Variants in TTN observed in about 807,000 individuals in gnomAD.
TTN encodes the protein connectin.
A neutral mutation model predicts 3,223.0 loss-of-function variants in TTN; 1,525 were observed. The observed-to-expected ratio is 0.47, with a 90% CI of 0.45 to 0.49. The LOEUF is 0.49. Ranked by LOEUF, TTN falls within the 20% of genes least tolerant of loss-of-function variation. The probability of loss-of-function intolerance (pLI) is 0.00; values close to 1 mark genes in which losing one functional copy is unlikely to be tolerated. For synonymous variants in TTN, 14,094 were observed against 15,161.0 expected (o/e 0.93, Z 5.17); for missense variants, 40,786 against 43,424.0 (o/e 0.94, Z 5.40).
At position 178,799,583 on chromosome 2, in the gene TTN, G is replaced by A. The variant is rs765127441; in HGVS notation, c.818C>T (p.Ala273Val). ...SRSPTPPSIA[A>V]KAQLARQQSP... ...CTGCTGCCGAGCCAGCTGTGCTTTG[G>A]CAGCAATAGACGGTGGTGTTGGGGA... Residue 273 changes from alanine to valine, a missense_variant, in exon 6 of 363, where the codon GCC becomes GTC. By Grantham distance (64) the Ala-to-Val change is moderately conservative. Transcript: ENST00000589042. The A allele has an allele frequency of 1.2e-6, 2 of 1,614,196 alleles. No individual in the cohort carries two copies. Among genetic ancestry groups the A allele is most frequent in the African/African-American group, 1.3e-5 (1 of 75,052 alleles).
intron 47 of TTN, chr2:178,745,984 A>C (rs964996610): frequency 6.2e-7 from 1 of 1,611,376 alleles, no homozygotes; most frequent in African/African-American, 1.3e-5. Context: ...ATATTTCAGA[A>C]TCTCCCATGG....
intron 47 of TTN, among the ~76,000 whole-genome samples, chr2:178,743,912 A>C (rs1228267112): frequency 6.6e-6 from 1 of 151,966 alleles, no homozygotes; most frequent in Non-Finnish European, 1.5e-5. Flanking sequence ...CTGATGAGTT[A>C]TGGTGGCTCA....
At position 178,733,115 on chromosome 2, in the gene TTN, T is replaced by C. The variant is rs773973777; in HGVS notation, c.16061A>G (p.Asp5354Gly). 10 of 1,588,830 alleles carry C rather than the reference T, an allele frequency of 6.3e-6. No homozygotes were observed. In the African/African-American group the frequency reaches 1.1e-4, roughly 17 times the overall value. ...CETTFTVLDR[D>G]IAPFFTKPLR... ...GGGTTTGGTAAAAAATGGAGCAATG[T>C]CTCGATCTGTGTGTTGCACAAGAAG... The change falls in exon 55 of 363, where the codon GAC (aspartate) becomes GGC (glycine). Residue 5354 changes from aspartate to glycine, a missense_variant. Transcript: ENST00000589042.
rs751917176 is a variant in TTN, at chr2:178,569,868, C to A, written c.76264G>T (p.Val25422Leu). The A allele has an allele frequency of 2.5e-6, 4 of 1,613,468 alleles. No individual in the cohort carries two copies. The highest frequency in any genetic ancestry group is 2.2e-5 in the South Asian group (2 of 91,070). The change falls in exon 326 of 363, where the codon GTA becomes TTA. Residue 25422 changes from valine (V) to leucine (L), a missense_variant. Transcript: ENST00000589042. ...PKVIDITRSSVFLSWSKPIYD... is the reference protein window; with the variant it reads ...PKVIDITRSSLFLSWSKPIYD... ...ATTGGTTTGCTCCAAGAAAGGAATA[C>A]TGAAGATCTGGTTATGTCTATGACT...
At chr2:178,598,687 A>T (rs2052452240) in intron 291 of TTN, 33 bp from the exon 292 acceptor site, 5 of 1,601,646 alleles carry the variant, frequency 3.1e-6, no homozygotes, top group Non-Finnish European at 3.4e-6. Context: ...AGTATTCTTG[A>T]CTTTTCCAAG....
chr2:178,631,422 C>G, intron 236 of TTN, 122 bp from the exon 237 acceptor site: 1 of 1,088,896 alleles, frequency 9.2e-7, no homozygotes, highest in Non-Finnish European at 1.3e-6. Context: ...GTCAAGTGTT[C>G]AATCATTTAA....
At position 178,776,034 on chromosome 2, in the gene TTN, C is replaced by G; in HGVS notation, c.5830G>C (p.Glu1944Gln). 6.2e-7 allele frequency: 1 copy of G among 1,614,140 alleles called. No individual in the cohort carries two copies. The highest frequency in any genetic ancestry group is 8.5e-7 in the Non-Finnish European group (1 of 1,179,998). The stretch of plus-strand genomic sequence containing the variant: ...TGTACGTGAAACTCAGGCCTTGGTT[C>G]AGGAGCTCTCCTAAGGACAGACCTA... Reference protein sequence around the residue: ...DFRSVLRRAPEPRPEFHVHEP... With the variant: ...DFRSVLRRAPQPRPEFHVHEP... The change falls in exon 28 of 363, where the codon GAA becomes CAA. Residue 1944 changes from glutamate (E) to glutamine (Q), a missense_variant. Glu to Gln is a conservative substitution (Grantham distance 29, BLOSUM62 2). Coordinates refer to ENST00000589042, the MANE Select transcript of TTN (RefSeq NM_001267550.2).
chr2:178,528,126 C>A, intron 361 of TTN, 148 bp downstream of exon 361: 1 of 912,362 alleles, frequency 1.1e-6, no homozygotes, highest in Non-Finnish European at 1.6e-6. Context: ...GAAAGTTTGA[C>A]TACAAGAATG....
Position 178,706,605 on chromosome 2 carries a change from C to G in TTN, c.29269G>C (p.Glu9757Gln). Residue 9757 changes from glutamate (E) to glutamine (Q), a missense_variant, in exon 102 of 363, where the codon GAG becomes CAG. Coordinates refer to ENST00000589042, the MANE Select transcript of TTN (RefSeq NM_001267550.2). ...TCAGTTTTTGTGGTGTCCCTAATCT[C>G]CAGTTTTGCTTCATCGCCTTTTTGG... ...IHQKGDEAKL[E>Q]IRDTTKTDSG... 6.2e-7 allele frequency: 1 copy of G among 1,613,940 alleles called. No individual in the cohort carries two copies. Among genetic ancestry groups the G allele is most frequent in the Non-Finnish European group, 8.5e-7 (1 of 1,179,858 alleles).
Position 178,535,666 on chromosome 2 carries a change from A to C in TTN, c.100949T>G (p.Phe33650Cys). The part of the protein sequence containing the change: ...GHYQVIVTRS[F>C]TSLVFPNGVE... ...CCCATTGGGGAAAACAAGTGATGTG[A>C]AGGATCTTGTGACAATAACTTGGTA... Residue 33650 changes from phenylalanine (F) to cysteine (C), a missense_variant, in exon 358 of 363, where the codon TTC becomes TGC. By Grantham distance (205) the Phe-to-Cys change is radical (BLOSUM62 -2). Coordinates refer to ENST00000589042, the MANE Select transcript of TTN (RefSeq NM_001267550.2). 7 of 1,613,858 alleles carry C rather than the reference A, an allele frequency of 4.3e-6. No individual in the cohort carries two copies. The highest frequency in any genetic ancestry group is 5.9e-6 in the Non-Finnish European group (7 of 1,179,788).
At chr2:178,674,481 T>G (rs1435419852) in intron 150 of TTN, 72 bp from the exon 151 acceptor site, 2 of 923,086 alleles carry the variant, frequency 2.2e-6, no homozygotes, top group East Asian at 5.6e-5. Flanking sequence ...TGATAATATC[T>G]GAAAACTGCT....
In TTN at chr2:178,561,017, C is replaced by T. The variant is rs190721759; in HGVS notation, c.85115G>A (p.Gly28372Glu). Residue 28372 changes from glycine (G) to glutamate (E), a missense_variant, in exon 326 of 363, where the codon GGA becomes GAA. Physicochemically the swap from Gly to Glu is moderately conservative, Grantham distance 98. Coordinates refer to ENST00000589042, the MANE Select transcript of TTN (RefSeq NM_001267550.2). ...KFRDVIVVKA[G>E]EVLKINADIA... Reference sequence around the variant, plus strand: ...GTCTGCATTTATCTTAAGGACCTCTCCAGCTTTGACAACAATAACGTCTCG... The same window carrying T: ...GTCTGCATTTATCTTAAGGACCTCTTCAGCTTTGACAACAATAACGTCTCG... The T allele has an allele frequency of 3.2e-4, 523 of 1,613,886 alleles. No homozygotes were observed. The highest frequency in any genetic ancestry group is 4.3e-4 in the Non-Finnish European group (502 of 1,179,816).
chr2:178,725,309 C>T, intron 71 of TTN, 59 bp downstream of exon 71: 4 of 1,407,574 alleles, frequency 2.8e-6, no homozygotes, highest in Non-Finnish European at 3.7e-6. Flanking sequence ...CTGCCAGTAA[C>T]TCTTAGTAAT....
At chr2:178,747,237 G>A in intron 47 of TTN, 2 of 1,612,776 alleles carry the variant, frequency 1.2e-6, no homozygotes, top group Non-Finnish European at 1.7e-6. Flanking sequence ...GTCTCCCCTG[G>A]GGGTGTGGAG....
intron 243 of TTN, 46 bp from the exon 244 acceptor site, chr2:178,622,054 A>C (rs376035692): frequency 8.5e-6 from 13 of 1,526,494 alleles, no homozygotes; most frequent in Non-Finnish European, 1.1e-5. Context: ...TTGTTCCTTC[A>C]CACAGGTGTC....
intron 359 of TTN, 77 bp downstream of exon 359, chr2:178,529,883 A>G (rs1688288122): frequency 2.8e-6 from 4 of 1,445,166 alleles, no homozygotes; most frequent in Admixed American, 2.4e-5. Flanking sequence ...GTATGTGTAT[A>G]TAAGGGGGGA....
Position 178,728,407 on chromosome 2 carries a change from G to C in TTN, c.19427-10C>G, listed in dbSNP as rs1273448289. 1 of 1,588,906 alleles carries C rather than the reference G, an allele frequency of 6.3e-7. No homozygotes were observed. The highest frequency in any genetic ancestry group is 1.8e-5 in the Admixed American group (1 of 57,004). ...GGAGGAATATTTTGATCTGTCCAAT[G>C]CAAACAGCAAAACACATCCATTAAT... On this transcript the variant is annotated splice_polypyrimidine_tract_variant and intron_variant, in intron 66 of 362. Coordinates refer to ENST00000589042, the MANE Select transcript of TTN (RefSeq NM_001267550.2).
chr2:178,677,333 G>C (rs1410451053), intron 146 of TTN, 46 bp from the exon 147 acceptor site: 4 of 356,804 alleles, frequency 1.1e-5, no homozygotes, highest in Non-Finnish European at 1.4e-5. Context: ...CATATACATG[G>C]TCATATATAT....
chr2:178,748,782 G>C (rs748380018), intron 47 of TTN: 1 of 1,612,256 alleles, frequency 6.2e-7, no homozygotes, highest in South Asian at 1.1e-5. Flanking sequence ...AATTCTTTAT[G>C]AGTTTGAGAG....
Sources: gnomAD v4.1 joint callset for allele counts (sites outside exome capture counted in the v4.1 genomes callset) on GRCh38, gnomAD v4.1.1 for gene constraint, MANE v1.5 for transcripts, NCBI Gene and HGNC (gene_info 2026-07-23, HGNC 2026-07-21) for gene names.